Variants in DNAH6 observed in about 807,000 individuals in gnomAD.
DNAH6 encodes the protein axonemal beta dynein heavy chain 6.
Under a neutral mutation model 491.4 loss-of-function variants are expected in DNAH6, and 340 were observed. The ratio of observed to expected loss-of-function variants is 0.69; its 90% CI spans 0.63 to 0.76. The LOEUF is 0.76. Among genes scored for constraint, DNAH6 ranks in the 30% least tolerant of loss-of-function variants. DNAH6 has a pLI of 0.00. For synonymous variants in DNAH6, 1,603 were observed against 1,686.1 expected (o/e 0.95, Z 1.21); for missense variants, 4,443 against 4,972.2 (o/e 0.89, Z 3.20).
chr2:84,629,335 G>C (rs1295346504), intron 29 of DNAH6, among the ~76,000 whole-genome samples: 1 of 152,136 alleles, frequency 6.6e-6, no homozygotes, highest in East Asian at 1.9e-4. Context: ...AAGGACAAAT[G>C]CTTCTTCCGT....
At chr2:84,726,097 C>G (rs1698600628) in intron 60 of DNAH6, among the ~76,000 whole-genome samples, 1 of 152,130 alleles carries the variant, frequency 6.6e-6, no homozygotes, top group African/African-American at 2.4e-5. Flanking sequence ...GCGCTCCATC[C>G]TATTAGTAGA....
intron 4 of DNAH6, among the ~76,000 whole-genome samples, chr2:84,539,306 CT>C (rs1678008471): frequency 6.6e-6 from 1 of 152,088 alleles, no homozygotes; most frequent in African/African-American, 2.4e-5. Context: ...CCTACCCTTC[CT>C]TCAAACACAT....
intron 65 of DNAH6, among the ~76,000 whole-genome samples, chr2:84,782,878 G>A (rs1676825111): frequency 6.6e-6 from 1 of 152,106 alleles, no homozygotes; most frequent in Non-Finnish European, 1.5e-5. Context: ...CCAGAATATG[G>A]AGATGCCATT....
At chr2:84,699,891 A>G (rs1558928158) in intron 48 of DNAH6, among the ~76,000 whole-genome samples, 157 bp downstream of exon 48, 1 of 152,264 alleles carries the variant, frequency 6.6e-6, no homozygotes, top group East Asian at 1.9e-4. Flanking sequence ...ATCATAGAAC[A>G]AAGACAAAAC....
At chr2:84,778,069 T>A in intron 64 of DNAH6, 1 of 952,218 alleles carries the variant, frequency 1.1e-6, no homozygotes, top group Non-Finnish European at 1.7e-6. Flanking sequence ...CCATCATCTC[T>A]CCCTTCAGTT....
chr2:84,461,284 T>G, the DNAH6 span, among the ~76,000 whole-genome samples: 1 of 152,252 alleles, frequency 6.6e-6, no homozygotes, highest in East Asian at 1.9e-4. Context: ...GTTGGTCTGA[T>G]GATAATTTCC....
intron 11 of DNAH6, among the ~76,000 whole-genome samples, chr2:84,558,576 A>G (rs1228992666): frequency 1.3e-5 from 2 of 152,232 alleles, no homozygotes; most frequent in African/African-American, 2.4e-5. Context: ...ACCAGCCAAC[A>G]CAATTTCTTT....
rs1259766326 is a variant in DNAH6 at position 84,699,664 on chromosome 2, A to T, written c.7748A>T (p.Glu2583Val). The change falls in exon 48 of 77, where the codon GAG (glutamate) becomes GTG (valine). Residue 2583 changes from glutamate (E) to valine (V), a missense_variant. Physicochemically the swap from Glu to Val is moderately radical, Grantham distance 121 (BLOSUM62 -2). Coordinates refer to ENST00000389394, the MANE Select transcript of DNAH6 (RefSeq NM_001370.2). Reference sequence around the variant, plus strand: ...GTTCTCTGCATGAGCCCAGTTGGGGAGGCCTTTCGGTCCCGATGCAGGATG... The same window carrying T: ...GTTCTCTGCATGAGCCCAGTTGGGGTGGCCTTTCGGTCCCGATGCAGGATG... Reference protein sequence around the residue: ...HIVLCMSPVGEAFRSRCRMFP... With the variant: ...HIVLCMSPVGVAFRSRCRMFP... The T allele has an allele frequency of 1.3e-6, 2 of 1,551,756 alleles. No individual in the cohort carries two copies. The highest frequency in any genetic ancestry group is 1.2e-5 in the South Asian group (1 of 84,058).
Position 84,619,871 on chromosome 2 carries a change from T to C in DNAH6, c.3759T>C (p.Asp1253=), listed in dbSNP as rs1687237661. 1 of 1,551,178 alleles carries C rather than the reference T, an allele frequency of 6.4e-7. No individual in the cohort carries two copies. The highest frequency in any genetic ancestry group is 8.7e-7 in the Non-Finnish European group (1 of 1,146,712). Residue 1253 remains aspartate, a synonymous_variant, in exon 24 of 77, where the codon GAT becomes GAC. Coordinates refer to ENST00000389394, the MANE Select transcript of DNAH6 (RefSeq NM_001370.2). ...AACCAGAAAAGGTTTATACTAATGATATTTTAGCAATGCTGTCACCAGAGG... is the reference window on the plus strand; with the variant it reads ...AACCAGAAAAGGTTTATACTAATGACATTTTAGCAATGCTGTCACCAGAGG... ...DGEPEKVYTN[D]ILAMLSPEGE...
intron 4 of DNAH6, among the ~76,000 whole-genome samples, chr2:84,533,044 C>T (rs924965914): frequency 1.3e-5 from 2 of 151,978 alleles, no homozygotes; most frequent in Non-Finnish European, 2.9e-5. Flanking sequence ...TCACTAAAAA[C>T]CTATAGAAGA....
At chr2:84,606,658 T>G (rs1303410770) in intron 20 of DNAH6, among the ~76,000 whole-genome samples, 2 of 152,130 alleles carry the variant, frequency 1.3e-5, no homozygotes, top group Non-Finnish European at 2.9e-5. Context: ...CAAATTGTGT[T>G]AAGAAGGTAA....
At chr2:84,758,889 G>A (rs1469893106) in intron 63 of DNAH6, among the ~76,000 whole-genome samples, 1 of 152,076 alleles carries the variant, frequency 6.6e-6, no homozygotes, top group African/African-American at 2.4e-5. Context: ...AAGAAAACAA[G>A]GATGCCCACT....
rs1285054427 is a variant in DNAH6, at chr2:84,621,483, G to C, written c.4003G>C (p.Glu1335Gln). The C allele has an allele frequency of 5.9e-6, 9 of 1,538,258 alleles. No individual in the cohort carries two copies. Among genetic ancestry groups the C allele is most frequent in the Non-Finnish European group, 7.9e-6 (9 of 1,135,850 alleles). ...SQIMWCRDLT[E>Q]CLETEHSNHI... The stretch of plus-strand genomic sequence containing the variant: ...AATTATGTGGTGCCGTGATTTGACT[G>C]AATGTCTGGAAACAGAACACAGTAA... The change falls in exon 26 of 77, where the codon GAA becomes CAA. Residue 1335 changes from glutamate to glutamine, a missense_variant. This residue lies in a region of DNAH6 where 2,977 missense variants were observed against 3,296.6 expected (regional missense o/e 0.90). Coordinates refer to ENST00000389394, the MANE Select transcript of DNAH6 (RefSeq NM_001370.2).
chr2:84,498,085 A>G, the DNAH6 span, among the ~76,000 whole-genome samples: 4 of 152,198 alleles, frequency 2.6e-5, no homozygotes, highest in Non-Finnish European at 4.4e-5. Context: ...AGGGCCACCA[A>G]TCAGGTACTG....
intron 22 of DNAH6, among the ~76,000 whole-genome samples, chr2:84,615,565 CT>C (rs1413585656): frequency 7.1e-6 from 1 of 140,458 alleles, no homozygotes; most frequent in African/African-American, 3.3e-5. Flanking sequence ...TTTTCTAACT[CT>C]GTGAAGAATT....
In DNAH6 at chr2:84,659,832, A is replaced by C. The variant is rs1691323492; in HGVS notation, c.6084+663A>C. Among the ~76,000 whole-genome samples, 4 of 152,292 alleles carry C rather than the reference A, an allele frequency of 2.6e-5. 1 individual carries two copies. In the South Asian group the frequency reaches 8.3e-4, roughly 32 times the overall value. ...CTCTGTCTCTACAAAAAATTTTTTT[A>C]GTATCCAAGCTCAATATTGCACACC... On this transcript the variant is annotated intron_variant, in intron 37 of 76. Transcript: ENST00000389394.
intron 76 of DNAH6, among the ~76,000 whole-genome samples, chr2:84,818,255 A>G (rs1381972148): frequency 6.6e-6 from 1 of 152,100 alleles, no homozygotes; most frequent in Admixed American, 6.5e-5. Context: ...AGTACCTACT[A>G]CCTAAGAATT....
At chr2:84,466,430 CAGGT>C in the DNAH6 span, among the ~76,000 whole-genome samples, 1 of 152,146 alleles carries the variant, frequency 6.6e-6, no homozygotes, top group Non-Finnish European at 1.5e-5. Flanking sequence ...TTGGAGAAAT[CAGGT>C]AGAGAGAAAC....
the DNAH6 span, among the ~76,000 whole-genome samples, chr2:84,476,371 A>G: frequency 1.3e-5 from 2 of 152,210 alleles, no homozygotes; most frequent in Non-Finnish European, 2.9e-5. Flanking sequence ...TAATGTTGCA[A>G]CTACAGGAGC....
Sources: allele counts gnomAD v4.1 joint callset (sites outside exome capture counted in the v4.1 genomes callset), GRCh38; gene constraint gnomAD v4.1.1; regional missense constraint gnomAD v4.1.1; transcripts MANE v1.5; gene names NCBI Gene and HGNC (gene_info 2026-07-23, HGNC 2026-07-21).